Variants in HIPK1 observed in about 807,000 individuals in gnomAD.
The protein encoded by HIPK1 is homeodomain interacting protein kinase 1.
Under a neutral mutation model 117.1 loss-of-function variants are expected in HIPK1, and 28 were observed. The ratio of observed to expected loss-of-function variants is 0.24; its 90% CI spans 0.18 to 0.33. HIPK1 has a LOEUF of 0.33. HIPK1 is among the 10% of genes least tolerant of loss of function. The pLI, the probability that HIPK1 is intolerant of heterozygous loss-of-function variation, is 1.00. For synonymous variants in HIPK1, 605 were observed against 562.5 expected, an observed-to-expected ratio of 1.08 and a Z score of -1.07; for missense variants, 1,122 against 1,475.1, an observed-to-expected ratio of 0.76 and a Z score of 3.92.
chr1:113,951,889 C>CT lies in HIPK1; in HGVS notation c.1077-865dup, dbSNP rs200124036. On this transcript the variant is annotated intron_variant, in intron 2 of 15. Coordinates refer to ENST00000426820, the MANE Select transcript of HIPK1 (RefSeq NM_198268.3). ...GTCTCTTCAGAAGGCATTTCTTTTT[C>CT]TTTTTTTTTTTTCCAGAAGGCATTT... Among the ~76,000 whole-genome samples, 230 of 122,238 alleles carry CT rather than the reference C, an allele frequency of 1.9e-3. No homozygotes were observed. The East Asian group carries it at 0.028, about 15-fold the overall frequency. 80.2% of individuals were successfully genotyped at this position (122,238 alleles called of 152,430 possible). A position where few individuals can be genotyped will look rare whatever the true frequency, so the allele number is the denominator to read the frequency against.
intron 2 of HIPK1, among the ~76,000 whole-genome samples, chr1:113,950,628 GA>G (rs1671292807): frequency 1.3e-5 from 2 of 152,182 alleles, no homozygotes; most frequent in South Asian, 4.1e-4. Context: ...CTCAGCCTCT[GA>G]GTAGTTGGGA....
At chr1:113,931,425 C>A (rs956562352) in intron 1 of HIPK1, among the ~76,000 whole-genome samples, 1 of 151,930 alleles carries the variant, frequency 6.6e-6, no homozygotes, top group African/African-American at 2.4e-5. Context: ...AAAGTACTTG[C>A]GGTTGGAACT....
chr1:113,966,144 A>C lies in HIPK1; in HGVS notation c.2253A>C (p.Gly751=), dbSNP rs1483416688. The change falls in exon 11 of 16, where the codon GGA becomes GGC. Residue 751 remains glycine (G), a synonymous_variant. Transcript: ENST00000426820. ...QTAAVLQAWP[G]GTQQILLPST... ...TTTCCTTACAGCAGGCGTGGCCTGG[A>C]GGGACTCAGCAAATTCTCCTGCCTT... The C allele has an allele frequency of 6.2e-7, 1 of 1,613,934 alleles. No homozygotes were observed.
chr1:113,929,639 G>T (rs996222323), intron 1 of HIPK1, 107 bp downstream of exon 1: 1 of 1,050,346 alleles, frequency 9.5e-7, no homozygotes. Context: ...CGACAACGGC[G>T]GCTGCGGAGC....
At chr1:113,953,692 A>AT (rs1671517190) in intron 3 of HIPK1, among the ~76,000 whole-genome samples, 1 of 151,676 alleles carries the variant, frequency 6.6e-6, no homozygotes, top group African/African-American at 2.4e-5. Flanking sequence ...TAATTTTTGT[A>AT]TTTTTTAGTA....
At chr1:113,971,640 A>G (rs1010539275) in intron 14 of HIPK1, among the ~76,000 whole-genome samples, 184 bp from the exon 15 acceptor site, 3 of 152,190 alleles carry the variant, frequency 2.0e-5, no homozygotes, top group African/African-American at 2.4e-5. Flanking sequence ...TGAGGATCCT[A>G]TGTGGAGATT....
intron 8 of HIPK1, 98 bp downstream of exon 8, chr1:113,958,389 C>G: frequency 1.2e-6 from 1 of 805,772 alleles, no homozygotes; most frequent in Non-Finnish European, 1.9e-6. Flanking sequence ...AGTTTAAACT[C>G]TGTCTCTGAT....
chr1:113,933,293 C>A, intron 1 of HIPK1: 1 of 662,958 alleles, frequency 1.5e-6, no homozygotes, highest in Non-Finnish European at 1.9e-6. Flanking sequence ...AGAGAGGAAA[C>A]ATGTTGAAGG....
chr1:113,958,588 A>C (rs142732665), intron 8 of HIPK1, among the ~76,000 whole-genome samples: 1 of 152,346 alleles, frequency 6.6e-6, no homozygotes, highest in East Asian at 1.9e-4. Context: ...TTGTATAAGC[A>C]TGTATCTGTC....
At chr1:113,948,935 T>A (rs2101250204) in intron 2 of HIPK1, among the ~76,000 whole-genome samples, 1 of 152,228 alleles carries the variant, frequency 6.6e-6, no homozygotes. Flanking sequence ...CCCCCCGGGT[T>A]CAAGCGATTC....
intron 8 of HIPK1, 53 bp downstream of exon 8, chr1:113,958,344 T>C: frequency 8.3e-7 from 1 of 1,208,926 alleles, no homozygotes; most frequent in Non-Finnish European, 1.2e-6. Context: ...CTACCTGCTT[T>C]AGGCAGCTCT....
At position 113,968,661 on chromosome 1, in the gene HIPK1, A is replaced by G; in HGVS notation, c.2771+13A>G. 1 of 1,603,070 alleles carries G rather than the reference A, an allele frequency of 6.2e-7. No homozygotes were observed. Among genetic ancestry groups the G allele is most frequent in the Non-Finnish European group, 8.5e-7 (1 of 1,170,054 alleles). On this transcript the variant is annotated intron_variant, in intron 13 of 15. Coordinates refer to ENST00000426820, the MANE Select transcript of HIPK1 (RefSeq NM_198268.3). ...ACAAGCCCAGTAGGTAAGATAAGTGAATGGTTCCTGGCTCTATTGGTTTTA... is the reference window on the plus strand; with the variant it reads ...ACAAGCCCAGTAGGTAAGATAAGTGGATGGTTCCTGGCTCTATTGGTTTTA...
At chr1:113,929,648 G>A (rs887888550) in intron 1 of HIPK1, 116 bp downstream of exon 1, 121 of 1,009,892 alleles carry the variant, frequency 1.2e-4, no homozygotes, top group Non-Finnish European at 1.5e-4. Context: ...CGGCTGCGGA[G>A]CAAGGGGCCC....
intron 2 of HIPK1, among the ~76,000 whole-genome samples, chr1:113,949,072 A>T (rs973191858): frequency 2.0e-5 from 3 of 152,188 alleles, no homozygotes; most frequent in Non-Finnish European, 1.5e-5. Context: ...TCCTGACCTC[A>T]GGCCATCCAC....
At chr1:113,960,391 A>G (rs1672019005) in intron 8 of HIPK1, among the ~76,000 whole-genome samples, 2 of 152,332 alleles carry the variant, frequency 1.3e-5, no homozygotes, top group East Asian at 1.9e-4. Context: ...CTAATACATT[A>G]GAGTCACATT....
Position 113,974,496 on chromosome 1 carries a change from C to T in HIPK1, c.*984C>T, listed in dbSNP as rs996687549. 6.6e-6 allele frequency: 1 copy of T among 152,522 alleles called. No homozygotes were observed. The highest frequency in any genetic ancestry group is 2.4e-5 in the African/African-American group (1 of 41,368). The allele number at this position is 152,522 out of a possible 1,614,324, so 9.4% of individuals were successfully genotyped here. A position where few individuals can be genotyped will look rare whatever the true frequency, so the allele number is the denominator to read the frequency against. The stretch of plus-strand genomic sequence containing the variant: ...TTAGTATGAATTTTCAGTAATACAC[C>T]TCTGTTTTGCTCATCTCTCCCTTCT... On this transcript the variant is annotated 3_prime_UTR_variant, in exon 16 of 16. Transcript: ENST00000426820.
chr1:113,962,606 T>C (rs1672201265), intron 9 of HIPK1, among the ~76,000 whole-genome samples, 168 bp downstream of exon 9: 1 of 152,190 alleles, frequency 6.6e-6, no homozygotes, highest in African/African-American at 2.4e-5. Flanking sequence ...TTCCTAACAC[T>C]ATTGCAACTC....
intron 3 of HIPK1, among the ~76,000 whole-genome samples, chr1:113,953,716 A>C (rs1671519570): frequency 6.6e-6 from 1 of 151,952 alleles, no homozygotes; most frequent in South Asian, 2.1e-4. Flanking sequence ...ACGGGGTTTC[A>C]CCATGTTGGC....
Position 113,975,977 on chromosome 1 carries a change from T to C in HIPK1, c.*2465T>C, listed in dbSNP as rs1673115347. 1.3e-5 allele frequency: 2 copies of C among 152,662 alleles called. No individual in the cohort carries two copies. Among genetic ancestry groups the C allele is most frequent in the African/African-American group, 2.4e-5 (1 of 41,406 alleles). 9.5% of individuals were successfully genotyped at this position (152,662 alleles called of 1,614,324 possible). On this transcript the variant is annotated 3_prime_UTR_variant, in exon 16 of 16. Transcript: ENST00000426820. ...AATTGAAAATGATATATTTGAGATA[T>C]AATTTTAGGACTGGTTCTGTGTAGA... is the stretch of plus-strand genomic sequence containing the variant.
Sources: allele counts gnomAD v4.1 joint callset (sites outside exome capture counted in the v4.1 genomes callset), GRCh38; gene constraint gnomAD v4.1.1; transcripts MANE v1.5; gene names NCBI Gene and HGNC (gene_info 2026-07-23, HGNC 2026-07-21).